The following TMC2 variants were observed in gnomAD, a reference collection of about 807,000 sequenced individuals.
TMC2 encodes the protein transmembrane channel-like protein 2.
TMC2 carries 102 observed loss-of-function variants against 105.9 expected under a neutral mutation model. The ratio of observed to expected loss-of-function variants is 0.96; its 90% confidence interval spans 0.82 to 1.14. TMC2 has a LOEUF of 1.14. Ranked by LOEUF, TMC2 falls within the 50% of genes most tolerant of loss-of-function variation. The pLI is 0.00. For missense variants in TMC2, 1,093 were observed against 1,134.3 expected, an observed-to-expected ratio of 0.96 and a Z score of 0.52; for synonymous variants, 402 against 422.8, an observed-to-expected ratio of 0.95 and a Z score of 0.60.
At chr20:2,618,499 C>T (rs1022984766) in intron 16 of TMC2, 1 of 152,236 alleles carries the variant, frequency 6.6e-6, no homozygotes, top group Non-Finnish European at 1.5e-5. Flanking sequence ...AATTACCATA[C>T]ACTTACACGT....
At chr20:2,617,345 C>G (rs372656629) in intron 16 of TMC2, 34 bp downstream of exon 16, 3 of 1,612,782 alleles carry the variant, frequency 1.9e-6, no homozygotes, top group African/African-American at 2.7e-5. Context: ...AGCACCTCCC[C>G]TCCCGAGGCA....
chr20:2,597,638 C>G (rs1199814333), intron 10 of TMC2, among the ~76,000 whole-genome samples: 1 of 150,084 alleles, frequency 6.7e-6, no homozygotes, highest in Non-Finnish European at 1.5e-5. Context: ...CAGGTGCCTG[C>G]CACTATGCCC....
In TMC2 at chr20:2,553,602, G is replaced by A. The variant is rs184814662; in HGVS notation, c.83-4854G>A. 3.4e-3 allele frequency among the ~76,000 whole-genome samples: 520 copies of A among 152,152 alleles called. 6 individuals are homozygous for A. The highest frequency in any genetic ancestry group is 5.3e-3 in the Non-Finnish European group (359 of 68,010). On this transcript the variant is annotated intron_variant, in intron 2 of 19. Coordinates refer to ENST00000358864, the MANE Select transcript of TMC2 (RefSeq NM_080751.3). ...CATGAAATGAGTTAGGAAGTGTTCCGTTTGCTTCTATTTTCTGGAAGAAAT... is the reference window on the plus strand; with the variant it reads ...CATGAAATGAGTTAGGAAGTGTTCCATTTGCTTCTATTTTCTGGAAGAAAT...
At chr20:2,598,695 A>C (rs959069483) in intron 10 of TMC2, among the ~76,000 whole-genome samples, 1 of 152,132 alleles carries the variant, frequency 6.6e-6, no homozygotes, top group Non-Finnish European at 1.5e-5. Context: ...AGCATGAGCC[A>C]CTGTGCCCAG....
At chr20:2,559,815 T>C (rs943799132) in intron 3 of TMC2, among the ~76,000 whole-genome samples, 1 of 152,164 alleles carries the variant, frequency 6.6e-6, no homozygotes, top group African/African-American at 2.4e-5. Flanking sequence ...ATCGTGCCCT[T>C]GGCCATTTAA....
At chr20:2,594,110 T>G (rs889721277) in intron 8 of TMC2, among the ~76,000 whole-genome samples, 1 of 152,170 alleles carries the variant, frequency 6.6e-6, no homozygotes, top group African/African-American at 2.4e-5. Flanking sequence ...ATGGCTGTAG[T>G]GCTGCCCACA....
chr20:2,597,073 A>G, intron 9 of TMC2, 78 bp from the exon 10 acceptor site: 6 of 1,524,390 alleles, frequency 3.9e-6, no homozygotes, highest in Non-Finnish European at 5.4e-6. Flanking sequence ...TGTGTCCGAG[A>G]CTGGCTAGGC....
Position 2,599,790 on chromosome 20 carries a change from A to T in TMC2, c.1225-2323A>T, listed in dbSNP as rs6115127. ...CAATATTTCTCCTGTCTGATCAGTG[A>T]AGCTTTCTTTCCCCCAGGACCTAGC... is the stretch of plus-strand genomic sequence containing the variant. On this transcript the variant is annotated intron_variant, in intron 10 of 19. Transcript: ENST00000358864. 3.4e-3 allele frequency among the ~76,000 whole-genome samples: 524 copies of T among 152,148 alleles called. 3 individuals carry two copies. Among genetic ancestry groups the T allele is most frequent in the African/African-American group, 0.012 (488 of 41,506 alleles).
At chr20:2,584,911 G>A (rs1390995892) in intron 7 of TMC2, among the ~76,000 whole-genome samples, 1 of 151,980 alleles carries the variant, frequency 6.6e-6, no homozygotes, top group South Asian at 2.1e-4. Context: ...CCACACAACT[G>A]AAATATAGAA....
At chr20:2,637,327 G>T in intron 18 of TMC2, 147 bp from the exon 19 acceptor site, 1 of 548,114 alleles carries the variant, frequency 1.8e-6, no homozygotes, top group Middle Eastern at 3.3e-4. Flanking sequence ...GGCAGAGATT[G>T]CAGTGAGCCG....
chr20:2,582,457 A>T (rs1274595056), intron 7 of TMC2, among the ~76,000 whole-genome samples: 2 of 152,092 alleles, frequency 1.3e-5, no homozygotes, highest in Non-Finnish European at 2.9e-5. Flanking sequence ...CTCAAACATG[A>T]CTTTTTAAAA....
chr20:2,603,106 C>T (rs986924183), intron 11 of TMC2, among the ~76,000 whole-genome samples: 2 of 152,116 alleles, frequency 1.3e-5, no homozygotes, highest in African/African-American at 2.4e-5. Flanking sequence ...TGATGAGACA[C>T]ATGGTCCAGT....
chr20:2,600,593 C>T (rs6050524), intron 10 of TMC2, among the ~76,000 whole-genome samples: 3,940 of 152,034 alleles, frequency 0.026, 177 homozygotes, highest in African/African-American at 0.087. Flanking sequence ...GACGCTGAGG[C>T]GGGCAGATCA....
intron 16 of TMC2, among the ~76,000 whole-genome samples, chr20:2,619,191 G>A (rs1368568194): frequency 6.6e-6 from 1 of 152,104 alleles, no homozygotes; most frequent in East Asian, 1.9e-4. Flanking sequence ...GATTTATTAG[G>A]GGTAACTTAC....
At chr20:2,619,056 C>T (rs574785674) in intron 16 of TMC2, among the ~76,000 whole-genome samples, 1 of 152,284 alleles carries the variant, frequency 6.6e-6, no homozygotes, top group South Asian at 2.1e-4. Flanking sequence ...AGTCCCAACC[C>T]TGCCTGCCAA....
At chr20:2,632,442 T>C (rs558782635) in intron 17 of TMC2, among the ~76,000 whole-genome samples, 2 of 152,326 alleles carry the variant, frequency 1.3e-5, no homozygotes, top group African/African-American at 4.8e-5. Context: ...TCTTTGATCA[T>C]ATTTAACATA....
intron 12 of TMC2, 59 bp downstream of exon 12, chr20:2,610,657 T>C: frequency 1.9e-6 from 2 of 1,050,742 alleles, no homozygotes; most frequent in South Asian, 7.9e-5. Flanking sequence ...GTATTTTCTT[T>C]TTTAATATAA....
At chr20:2,636,039 A>G (rs1303860426) in intron 18 of TMC2, 35 bp downstream of exon 18, 2 of 1,582,866 alleles carry the variant, frequency 1.3e-6, no homozygotes, top group Non-Finnish European at 1.7e-6. Context: ...TGGACGGTAA[A>G]AAGAGATCAT....
At chr20:2,635,790 A>G (rs2146270433) in intron 17 of TMC2, 136 bp from the exon 18 acceptor site, 2 of 689,030 alleles carry the variant, frequency 2.9e-6, no homozygotes, top group Middle Eastern at 7.9e-4. Context: ...ACATTGAGAA[A>G]AGAAGATGGT....
Sources: gnomAD v4.1 joint callset for allele counts (sites outside exome capture counted in the v4.1 genomes callset) on GRCh38, gnomAD v4.1.1 for gene constraint, MANE v1.5 for transcripts, NCBI Gene and HGNC (gene_info 2026-07-23, HGNC 2026-07-21) for gene names.